Variants in ADGRF3 observed in about 807,000 individuals in gnomAD.
ADGRF3 encodes adhesion G protein-coupled receptor F3, also known as G protein-coupled receptor 113.
ADGRF3 carries 85 observed loss-of-function variants against 93.2 expected under a neutral mutation model. The observed-to-expected ratio is 0.91, with a 90% CI of 0.77 to 1.09. The LOEUF (loss-of-function observed/expected upper bound fraction) is 1.09, where lower values mean the gene tolerates loss of function less well. ADGRF3 is among the 50% of genes least tolerant of loss of function. The probability of loss-of-function intolerance (pLI) is 0.00; values close to 1 mark genes in which losing one functional copy is unlikely to be tolerated. For synonymous variants in ADGRF3, 534 were observed against 532.5 expected (o/e 1.00, Z -0.04); for missense variants, 1,125 against 1,246.2 (o/e 0.90, Z 1.46).
intron 1 of ADGRF3, chr2:26,319,070 A>G (rs1338415441): frequency 6.5e-7 from 1 of 1,537,142 alleles, no homozygotes; most frequent in Admixed American, 2.0e-5. Context: ...AGCAGTCCCT[A>G]CAAGCCCACG....
At chr2:26,328,384 T>A (rs1186340499) in intron 1 of ADGRF3, among the ~76,000 whole-genome samples, 2 of 152,188 alleles carry the variant, frequency 1.3e-5, no homozygotes, top group Non-Finnish European at 2.9e-5. Flanking sequence ...CTATTTCAAA[T>A]TGTTTTTCTG....
intron 1 of ADGRF3, among the ~76,000 whole-genome samples, chr2:26,332,416 A>G (rs1264814438): frequency 1.3e-5 from 2 of 152,208 alleles, no homozygotes; most frequent in Non-Finnish European, 2.9e-5. Context: ...CAACTACTTG[A>G]AAAGAAATAG....
intron 1 of ADGRF3, among the ~76,000 whole-genome samples, chr2:26,319,631 C>A (rs572384789): frequency 7.6e-6 from 1 of 131,680 alleles, no homozygotes; most frequent in Non-Finnish European, 1.6e-5. Context: ...TTCTTTGTTT[C>A]TTTCTTTCTC....
chr2:26,319,667 T>TTC (rs1427545943), intron 1 of ADGRF3, among the ~76,000 whole-genome samples: 1 of 151,050 alleles, frequency 6.6e-6, no homozygotes, highest in Non-Finnish European at 1.5e-5. Context: ...CTTCCTTCCT[T>TTC]TCTCTCTCTC....
chr2:26,319,565 C>CCTTCCTTCCTT (rs1674995893), intron 1 of ADGRF3, among the ~76,000 whole-genome samples: 1 of 48,136 alleles, frequency 2.1e-5, no homozygotes, highest in Non-Finnish European at 4.0e-5. Flanking sequence ...CTCCCTCCCT[C>CCTTCCTTCCTT]CCTTCCTTCC....
In ADGRF3 at chr2:26,310,897, A is replaced by G; in HGVS notation, c.2627T>C (p.Leu876Pro). 3 of 1,612,782 alleles carry G rather than the reference A, an allele frequency of 1.9e-6. No homozygotes were observed. The highest frequency in any genetic ancestry group is 2.5e-6 in the Non-Finnish European group (3 of 1,179,278). Residue 876 changes from leucine (L) to proline (P), a missense_variant, in exon 10 of 14, where the codon CTA becomes CCA. Transcript: ENST00000651242. The part of the protein sequence containing the change: ...LAIIGVNGLV[L>P]AMAMLKLLRP... ...CAGCAACTTCAGCATGGCCATGGCT[A>G]GTACCAGCCCATTCACGCCTATGAT...
chr2:26,346,308 T>C lies in ADGRF3; in HGVS notation c.-74A>G. ...GTACAAGGTACCGCGGGCCGGCGGA[T>C]GCCCCTCTCCCTGCTCCCGGCCTCG... On this transcript the variant is annotated 5_prime_UTR_variant, in exon 1 of 14. Coordinates refer to ENST00000651242, the MANE Select transcript of ADGRF3 (RefSeq NM_001321971.2). 1 of 1,604,536 alleles carries C rather than the reference T, an allele frequency of 6.2e-7. No homozygotes were observed. The highest frequency in any genetic ancestry group is 1.1e-5 in the South Asian group (1 of 90,564).
chr2:26,321,376 A>G (rs371298987), intron 1 of ADGRF3, among the ~76,000 whole-genome samples: 1 of 152,178 alleles, frequency 6.6e-6, no homozygotes, highest in African/African-American at 2.4e-5. Context: ...TGTTGCAGCT[A>G]TAGGCAGTCT....
In ADGRF3 at chr2:26,317,495, C is replaced by T. The variant is rs757823812; in HGVS notation, c.181+1G>A. 1.5e-5 allele frequency: 24 copies of T among 1,589,690 alleles called. No homozygotes were observed. The African/African-American group carries it at 2.7e-4, about 18-fold the overall frequency. ...CCTCCTCCTCCTGTCCATACACTCA[C>T]CCCCTGCTCCATTCTCTTGGTCCAG... On this transcript the variant is annotated splice_donor_variant, in intron 2 of 13. Coordinates refer to ENST00000651242, the MANE Select transcript of ADGRF3 (RefSeq NM_001321971.2). LOFTEE classifies it high-confidence loss of function.
At position 26,313,880 on chromosome 2, in the gene ADGRF3, A is replaced by G. The variant is rs756297934; in HGVS notation, c.952T>C (p.Ser318Pro). 1.1e-5 allele frequency: 18 copies of G among 1,614,048 alleles called. No homozygotes were observed. The highest frequency in any genetic ancestry group is 1.5e-5 in the Non-Finnish European group (18 of 1,179,904). ...TGAACAGCCAGCACAAAGCACTGAG[A>G]GCCTGACTCGTTGAAGGAGGAAGCT... Reference protein sequence around the residue: ...SKASSFNESGSQCFVLAVQRC... With the variant: ...SKASSFNESGPQCFVLAVQRC... Residue 318 changes from serine to proline, a missense_variant, in exon 7 of 14, where the codon TCT becomes CCT. Physicochemically the swap from Ser to Pro is moderately conservative, Grantham distance 74. Transcript: ENST00000651242.
intron 1 of ADGRF3, among the ~76,000 whole-genome samples, chr2:26,337,755 G>C (rs1318164000): frequency 6.6e-6 from 1 of 152,230 alleles, no homozygotes; most frequent in African/African-American, 2.4e-5. Flanking sequence ...AGGTGTGGTG[G>C]CTCACACCTA....
At chr2:26,318,982 G>T in intron 1 of ADGRF3, 1 of 1,551,722 alleles carries the variant, frequency 6.4e-7, no homozygotes, top group Non-Finnish European at 8.7e-7. Context: ...GGATGCTTGG[G>T]CAACTGGTGA....
rs567060783 is a variant in ADGRF3, at chr2:26,346,127, G to A, written c.108C>T (p.Pro36=). The change falls in exon 1 of 14, where the codon CCC becomes CCT. Residue 36 remains proline, a synonymous_variant. Coordinates refer to ENST00000651242, the MANE Select transcript of ADGRF3 (RefSeq NM_001321971.2). ...CGGAGCGCGGCTCTCCTACCTTCTCGGGCAGCCCAGTCTTTGCCATCCTTG... is the reference window on the plus strand; with the variant it reads ...CGGAGCGCGGCTCTCCTACCTTCTCAGGCAGCCCAGTCTTTGCCATCCTTG... ...GWARMAKTGL[P]EKGQSQAGGE... 9.4e-6 allele frequency: 15 copies of A among 1,590,970 alleles called. No individual in the cohort carries two copies. In the South Asian group the frequency reaches 1.0e-4, roughly 11 times the overall value.
In ADGRF3 at chr2:26,310,980, T is replaced by C. The variant is rs774252788; in HGVS notation, c.2544A>G (p.Glu848=). 2.5e-6 allele frequency: 4 copies of C among 1,613,748 alleles called. No homozygotes were observed. Among genetic ancestry groups the C allele is most frequent in the Non-Finnish European group, 3.4e-6 (4 of 1,179,832 alleles). The change falls in exon 10 of 14, where the codon GAA becomes GAG. Residue 848 remains glutamate (E), a synonymous_variant. Transcript: ENST00000651242. ...LPQGQYLREG[E]CWLDGKGGAL... ...CCCCTCCCTTCCCATCCAACCAGCA[T>C]TCCCCCTCCCTCAGGTATTGCCCTT...
intron 1 of ADGRF3, among the ~76,000 whole-genome samples, chr2:26,319,317 G>A (rs1320680325): frequency 6.6e-6 from 1 of 152,172 alleles, no homozygotes; most frequent in African/African-American, 2.4e-5. Flanking sequence ...AGGCTTAGGG[G>A]TTCGAAGTCA....
chr2:26,338,191 GA>G (rs538540304), intron 1 of ADGRF3, among the ~76,000 whole-genome samples: 186 of 152,178 alleles, frequency 1.2e-3, no homozygotes, highest in Non-Finnish European at 1.5e-3. Flanking sequence ...AAAAAACGGA[GA>G]AGAGAGGTAG....
At chr2:26,318,739 A>G in intron 1 of ADGRF3, 1 of 640,240 alleles carries the variant, frequency 1.6e-6, no homozygotes, top group Non-Finnish European at 2.7e-6. Flanking sequence ...ATGAGTTTAC[A>G]GGGACTCAAA....
chr2:26,339,028 T>C (rs748796539), intron 1 of ADGRF3, among the ~76,000 whole-genome samples: 1 of 148,074 alleles, frequency 6.8e-6, no homozygotes, highest in Non-Finnish European at 1.5e-5. Flanking sequence ...AGCAGAACAA[T>C]TGCTTGAACC....
At chr2:26,313,956 AC>A (rs1295678046) in intron 6 of ADGRF3, 53 bp from the exon 7 acceptor site, 1 of 1,604,298 alleles carries the variant, frequency 6.2e-7, no homozygotes, top group Non-Finnish European at 8.5e-7. Context: ...CAGGCCTGGA[AC>A]CCAGCAGGCT....
Sources: allele counts gnomAD v4.1 joint callset (sites outside exome capture counted in the v4.1 genomes callset), GRCh38; gene constraint gnomAD v4.1.1; transcripts MANE v1.5; gene names NCBI Gene and HGNC (gene_info 2026-07-23, HGNC 2026-07-21).